Variants in TBC1D4 observed in about 807,000 individuals in gnomAD.
TBC1D4 encodes the protein TBC (Tre-2, BUB2, CDC16) domain-containing protein.
TBC1D4 carries 121 observed loss-of-function variants against 142.5 expected under a neutral mutation model. The ratio of observed to expected loss-of-function variants is 0.85; its 90% CI spans 0.73 to 0.99. The LOEUF (loss-of-function observed/expected upper bound fraction) is 0.99, where lower values mean the gene tolerates loss of function less well. Ranked by LOEUF, TBC1D4 falls within the 50% of genes least tolerant of loss-of-function variation. The pLI is 0.00. For missense variants in TBC1D4, 1,475 were observed against 1,606.6 expected (o/e 0.92, Z 1.40); for synonymous variants, 630 against 628.2 (o/e 1.00, Z -0.04).
intron 5 of TBC1D4, among the ~76,000 whole-genome samples, chr13:75,344,096 G>A (rs756113164): frequency 7.3e-5 from 11 of 151,296 alleles, no homozygotes; most frequent in Non-Finnish European, 1.3e-4. Context: ...TGATCCACCT[G>A]CCTCGGCCTC....
intron 3 of TBC1D4, 112 bp downstream of exon 3, chr13:75,359,657 T>C: frequency 1.2e-6 from 1 of 867,764 alleles, no homozygotes; most frequent in East Asian, 2.7e-5. Context: ...AGAATAAAAA[T>C]TTAAATTTCA....
intron 4 of TBC1D4, among the ~76,000 whole-genome samples, chr13:75,355,470 A>G (rs770302746): frequency 3.0e-4 from 45 of 152,206 alleles, no homozygotes; most frequent in Non-Finnish European, 5.4e-4. Flanking sequence ...GAACTCTGCA[A>G]TACAAAATTG....
chr13:75,452,567 T>A (rs1341954957), intron 1 of TBC1D4, among the ~76,000 whole-genome samples: 1 of 152,242 alleles, frequency 6.6e-6, no homozygotes, highest in African/African-American at 2.4e-5. Flanking sequence ...TATTTTTATT[T>A]CACAGTTTTC....
chr13:75,466,257 G>A (rs920667414), intron 1 of TBC1D4, among the ~76,000 whole-genome samples: 1 of 152,204 alleles, frequency 6.6e-6, no homozygotes, highest in Non-Finnish European at 1.5e-5. Context: ...AAACTTAGCA[G>A]AAGTTAGTTA....
At chr13:75,312,456 A>C (rs960098718) in intron 13 of TBC1D4, among the ~76,000 whole-genome samples, 5 of 122,478 alleles carry the variant, frequency 4.1e-5, no homozygotes, top group Non-Finnish European at 9.5e-5. Context: ...AAGAAAAAGG[A>C]CATACAGCTT....
intron 6 of TBC1D4, 43 bp downstream of exon 6, chr13:75,341,453 T>G: frequency 1.3e-6 from 2 of 1,580,912 alleles, no homozygotes; most frequent in Non-Finnish European, 1.7e-6. Flanking sequence ...GATCCAATTC[T>G]CATTCCTTAT....
intron 9 of TBC1D4, 34 bp downstream of exon 9, chr13:75,327,718 T>C (rs773185539): frequency 3.1e-6 from 5 of 1,607,194 alleles, no homozygotes; most frequent in South Asian, 1.1e-5. Flanking sequence ...CTTTGTTAAG[T>C]TGCAATTAGT....
chr13:75,320,645 T>C (rs1305051761), intron 11 of TBC1D4, among the ~76,000 whole-genome samples: 1 of 152,046 alleles, frequency 6.6e-6, no homozygotes, highest in Admixed American at 6.6e-5. Flanking sequence ...TTAAAAATAG[T>C]AACCTGTTTT....
intron 1 of TBC1D4, among the ~76,000 whole-genome samples, chr13:75,468,364 T>C (rs546727465): frequency 1.3e-5 from 2 of 152,288 alleles, no homozygotes; most frequent in Admixed American, 1.3e-4. Flanking sequence ...CCTAAATAAC[T>C]GAACTGAACT....
chr13:75,306,517 G>A (rs1216298216), intron 14 of TBC1D4, 46 bp from the exon 15 acceptor site: 5 of 1,606,350 alleles, frequency 3.1e-6, no homozygotes, highest in South Asian at 2.2e-5. Flanking sequence ...TTTTTCAAAT[G>A]TAAAACTTTA....
chr13:75,340,773 C>T (rs1440514659), intron 7 of TBC1D4, among the ~76,000 whole-genome samples: 1 of 151,922 alleles, frequency 6.6e-6, no homozygotes, highest in Non-Finnish European at 1.5e-5. Flanking sequence ...ATGGAGAAAC[C>T]CCGTCTCTAC....
intron 1 of TBC1D4, among the ~76,000 whole-genome samples, chr13:75,415,921 T>A (rs560534391): frequency 7.0e-4 from 107 of 152,340 alleles, no homozygotes; most frequent in Non-Finnish European, 1.1e-3. Context: ...CCTTGGCCAT[T>A]TTAAAGAAAA....
In TBC1D4 at chr13:75,283,727, A is replaced by G. The variant is rs529689076; in HGVS notation, c.*3065T>C. On this transcript the variant is annotated 3_prime_UTR_variant, in exon 21 of 21. Transcript: ENST00000377636. ...CAAATCTGTCAATGTGGTTGCTTATATTTTTCTTTCAAAAGTCTCCATTGA... is the reference window on the plus strand; with the variant it reads ...CAAATCTGTCAATGTGGTTGCTTATGTTTTTCTTTCAAAAGTCTCCATTGA... Among the ~76,000 whole-genome samples the G allele has an allele frequency of 6.6e-6, 1 of 152,240 alleles. No homozygotes were observed. The highest frequency in any genetic ancestry group is 1.5e-5 in the Non-Finnish European group (1 of 68,024).
At chr13:75,448,189 G>A (rs926551067) in intron 1 of TBC1D4, among the ~76,000 whole-genome samples, 3 of 152,090 alleles carry the variant, frequency 2.0e-5, no homozygotes, top group Non-Finnish European at 4.4e-5. Context: ...TGGAGTAAAT[G>A]CTTAATAAAA....
At chr13:75,427,053 A>C (rs989257254) in intron 1 of TBC1D4, among the ~76,000 whole-genome samples, 4 of 152,084 alleles carry the variant, frequency 2.6e-5, no homozygotes, top group African/African-American at 7.2e-5. Flanking sequence ...CAGAAGAAAA[A>C]GAAAACAAAA....
chr13:75,312,766 G>C lies in TBC1D4; in HGVS notation c.2355C>G (p.Asn785Lys), dbSNP rs527354382. The stretch of plus-strand genomic sequence containing the variant: ...GCTGTTGCATTGCTGAGGGAGATTT[G>C]TTCATGGGAGAAGCAACCCTGAGGA... ...RIFLRVASPM[N>K]KSPSAMQQQD... The change falls in exon 13 of 21, where the codon AAC becomes AAG. Residue 785 changes from asparagine (N) to lysine (K), a missense_variant. Coordinates refer to ENST00000377636, the MANE Select transcript of TBC1D4 (RefSeq NM_014832.5). 9.2e-4 allele frequency: 1,488 copies of C among 1,614,162 alleles called. 33 individuals carry two copies. In the South Asian group the frequency reaches 0.015, roughly 17 times the overall value.
At chr13:75,433,020 T>G (rs2138167235) in intron 1 of TBC1D4, among the ~76,000 whole-genome samples, 1 of 150,406 alleles carries the variant, frequency 6.6e-6, no homozygotes, top group Non-Finnish European at 1.5e-5. Flanking sequence ...TTAGAGCAAA[T>G]AACTGAAAGG....
intron 17 of TBC1D4, 94 bp from the exon 18 acceptor site, chr13:75,295,107 C>T (rs895499720): frequency 1.7e-6 from 2 of 1,170,550 alleles, no homozygotes; most frequent in South Asian, 1.4e-5. Flanking sequence ...TATTTAATAA[C>T]AAATTCACAT....
intron 11 of TBC1D4, among the ~76,000 whole-genome samples, chr13:75,320,487 T>A (rs115500182): frequency 0.013 from 1,953 of 152,126 alleles, 46 homozygotes; most frequent in African/African-American, 0.044. Flanking sequence ...TACTAAACAA[T>A]GAAATAACAT....
Sources: allele counts gnomAD v4.1 joint callset (sites outside exome capture counted in the v4.1 genomes callset), GRCh38; gene constraint gnomAD v4.1.1; transcripts MANE v1.5; gene names NCBI Gene and HGNC (gene_info 2026-07-23, HGNC 2026-07-21).